The following CFAP43 variants were observed in gnomAD, a reference collection of about 807,000 sequenced individuals.
CFAP43 encodes cilia and flagella associated protein 43, also known as cilia- and flagella-associated protein 43.
CFAP43 carries 155 observed loss-of-function variants against 218.9 expected under a neutral mutation model. That is an observed-to-expected ratio of 0.71 (90% CI 0.62 to 0.81). The LOEUF is 0.81. Among genes scored for constraint, CFAP43 ranks in the 30% least tolerant of loss-of-function variants. The pLI is 0.00. For missense variants in CFAP43, 1,778 were observed against 1,954.3 expected (o/e 0.91, Z 1.70); for synonymous variants, 645 against 681.3 (o/e 0.95, Z 0.83).
Position 104,167,630 on chromosome 10 carries a change from C to A in CFAP43, c.2799G>T (p.Glu933Asp). The A allele has an allele frequency of 6.2e-7, 1 of 1,607,278 alleles. No homozygotes were observed. The highest frequency in any genetic ancestry group is 1.1e-5 in the South Asian group (1 of 89,614). Reference sequence around the variant, plus strand: ...ATATTTAAAATAGTACTTTAAGACACTCTGCTTCAATCTTCTTTTGCTGTA... The same window carrying A: ...ATATTTAAAATAGTACTTTAAGACAATCTGCTTCAATCTTCTTTTGCTGTA... ...RVLQQKKIEA[E>D]CLKLRKEIVE... The change falls in exon 22 of 38, where the codon GAG (glutamate) becomes GAT (aspartate). Residue 933 changes from glutamate (E) to aspartate (D), a missense_variant. Glu to Asp is a conservative substitution (Grantham distance 45, BLOSUM62 2). Transcript: ENST00000357060.
In CFAP43 at chr10:104,131,452, T is replaced by A. The variant is rs559982403; in HGVS notation, c.4710A>T (p.Lys1570Asn). 6.2e-7 allele frequency: 1 copy of A among 1,612,732 alleles called. No individual in the cohort carries two copies. The highest frequency in any genetic ancestry group is 2.2e-5 in the East Asian group (1 of 44,806). ...TGAACTTTCCAAGTTTTTTGAGTAG[T>A]TTCTTGCAGTTTTCCACATTCTTTT... is the stretch of plus-strand genomic sequence containing the variant. Reference protein sequence around the residue: ...MHKKNVENCKKLLKKLGKFSN... With the variant: ...MHKKNVENCKNLLKKLGKFSN... Residue 1570 changes from lysine (K) to asparagine (N), a missense_variant, in exon 37 of 38, where the codon AAA becomes AAT. Coordinates refer to ENST00000357060, the MANE Select transcript of CFAP43 (RefSeq NM_025145.7).
At position 104,223,509 on chromosome 10, in the gene CFAP43, T is replaced by C. The variant is rs540047987; in HGVS notation, c.416+1952A>G. On this transcript the variant is annotated intron_variant, in intron 3 of 37. Transcript: ENST00000357060. Reference sequence around the variant, plus strand: ...CTTTCTAAGATCACACAGCTAGTAATTTGTGGAGCCAGGATTCAGGTCTAA... The same window carrying C: ...CTTTCTAAGATCACACAGCTAGTAACTTGTGGAGCCAGGATTCAGGTCTAA... 3.3e-5 allele frequency among the ~76,000 whole-genome samples: 5 copies of C among 152,328 alleles called. No homozygotes were observed. The South Asian group carries it at 8.3e-4, about 25-fold the overall frequency.
At chr10:104,207,321 A>G (rs1048462018) in intron 6 of CFAP43, among the ~76,000 whole-genome samples, 4 of 152,200 alleles carry the variant, frequency 2.6e-5, no homozygotes, top group Non-Finnish European at 4.4e-5. Context: ...CAGAATGGGC[A>G]TATGTATAGA....
At chr10:104,221,390 G>A (rs1162171740) in intron 3 of CFAP43, among the ~76,000 whole-genome samples, 2 of 152,164 alleles carry the variant, frequency 1.3e-5, no homozygotes, top group African/African-American at 4.8e-5. Context: ...TTGGGGTATT[G>A]GGACTTTTGG....
intron 3 of CFAP43, chr10:104,218,878 C>T (rs368711127): frequency 1.6e-5 from 8 of 502,182 alleles, no homozygotes; most frequent in East Asian, 5.7e-5. Flanking sequence ...TAGGAACAGC[C>T]GAGCAGCATG....
intron 31 of CFAP43, among the ~76,000 whole-genome samples, chr10:104,144,984 A>G (rs1358170249): frequency 6.6e-6 from 1 of 152,236 alleles, no homozygotes; most frequent in Non-Finnish European, 1.5e-5. Flanking sequence ...TGTTTCTTAC[A>G]CTTGGAGATC....
chr10:104,144,434 A>G (rs584073), intron 31 of CFAP43, among the ~76,000 whole-genome samples: 42,550 of 152,036 alleles, frequency 0.28, 8,572 homozygotes, highest in African/African-American at 0.58. Context: ...GTGGATCACG[A>G]GGTCAGGAGA....
chr10:104,136,559 C>T (rs192210416), intron 34 of CFAP43, among the ~76,000 whole-genome samples: 133 of 151,652 alleles, frequency 8.8e-4, no homozygotes, highest in African/African-American at 3.0e-3. Flanking sequence ...TTAGTAGAGA[C>T]GGGGTTTCAC....
intron 8 of CFAP43, chr10:104,203,368 G>A (rs2090588364): frequency 5.6e-6 from 2 of 355,946 alleles, no homozygotes; most frequent in Non-Finnish European, 1.0e-5. Context: ...CGGAGAGTCT[G>A]CATGGAAATG....
intron 34 of CFAP43, among the ~76,000 whole-genome samples, chr10:104,139,175 CAT>C (rs2087589127): frequency 6.6e-6 from 1 of 151,816 alleles, no homozygotes; most frequent in African/African-American, 2.4e-5. Flanking sequence ...CAAACTGAAA[CAT>C]AAAGAGAACA....
At position 104,230,789 on chromosome 10, in the gene CFAP43, A is replaced by G. The variant is rs1186955992; in HGVS notation, c.120T>C (p.Ile40=). The G allele has an allele frequency of 1.2e-6, 2 of 1,613,968 alleles. No homozygotes were observed. The highest frequency in any genetic ancestry group is 4.5e-5 in the East Asian group (2 of 44,876). The change falls in exon 2 of 38, where the codon ATT becomes ATC. Residue 40 remains isoleucine (I), a synonymous_variant. Coordinates refer to ENST00000357060, the MANE Select transcript of CFAP43 (RefSeq NM_025145.7). ...TTACATAATTCCCACAAGGGTAGCAAATGGTGTTGTCGTTGACAAAATGAA... is the reference window on the plus strand; with the variant it reads ...TTACATAATTCCCACAAGGGTAGCAGATGGTGTTGTCGTTGACAAAATGAA... The part of the protein sequence containing the change: ...QNVHFVNDNT[I]CYPCGNYVIF...
chr10:104,170,121 T>C (rs1564750113), intron 20 of CFAP43, among the ~76,000 whole-genome samples: 2 of 152,084 alleles, frequency 1.3e-5, no homozygotes, highest in Non-Finnish European at 2.9e-5. Flanking sequence ...TATGGTGCCA[T>C]CTGCTAACAC....
At position 104,142,343 on chromosome 10, in the gene CFAP43, C is replaced by A; in HGVS notation, c.4209G>T (p.Lys1403Asn). Residue 1403 changes from lysine to asparagine, a missense_variant, in exon 33 of 38, where the codon AAG becomes AAT. Lys to Asn is a moderately conservative substitution (Grantham distance 94). Transcript: ENST00000357060. ...DLLEMATFLQ[K>N]RVEEEEKVQQ... The stretch of plus-strand genomic sequence containing the variant: ...GCACCTTCTCTTCCTCCTCAACTCT[C>A]TTCTGGAGGAAAGTTGCCATTTCCA... 1 of 1,613,588 alleles carries A rather than the reference C, an allele frequency of 6.2e-7. No homozygotes were observed. The highest frequency in any genetic ancestry group is 8.5e-7 in the Non-Finnish European group (1 of 1,179,774).
chr10:104,195,450 T>G (rs1040378709), intron 10 of CFAP43, among the ~76,000 whole-genome samples: 1 of 152,236 alleles, frequency 6.6e-6, no homozygotes, highest in African/African-American at 2.4e-5. Flanking sequence ...CTTGGTCACA[T>G]AGACTATGGA....
intron 26 of CFAP43, among the ~76,000 whole-genome samples, chr10:104,161,699 C>T (rs1244906142): frequency 3.3e-5 from 5 of 152,084 alleles, no homozygotes; most frequent in South Asian, 4.1e-4. Flanking sequence ...GGTGTGATCA[C>T]AGCTCACTGT....
chr10:104,218,743 A>G (rs773073523), intron 3 of CFAP43: 24 of 531,868 alleles, frequency 4.5e-5, no homozygotes, highest in African/African-American at 4.4e-4. Flanking sequence ...CCTTCCCCTC[A>G]TCCTTTTCCC....
At position 104,147,895 on chromosome 10, in the gene CFAP43, T is replaced by C. The variant is rs979799222; in HGVS notation, c.3764A>G (p.Glu1255Gly). 29 of 1,586,622 alleles carry C rather than the reference T, an allele frequency of 1.8e-5. No individual in the cohort carries two copies. The highest frequency in any genetic ancestry group is 1.7e-4 in the Middle Eastern group (1 of 5,946). ...LNNYLTRKQH[E>G]KSQTSEAVRK... ...GATTTCAGACACTATTCTTACTTTC[T>C]CGTGCTGTTTCCTTGTAAGGTAGTT... Residue 1255 changes from glutamate to glycine, a missense_variant, in exon 29 of 38, where the codon GAG becomes GGG. Coordinates refer to ENST00000357060, the MANE Select transcript of CFAP43 (RefSeq NM_025145.7).
chr10:104,133,856 T>C, intron 34 of CFAP43, 72 bp from the exon 35 acceptor site: 1 of 1,199,930 alleles, frequency 8.3e-7, no homozygotes, highest in Non-Finnish European at 1.2e-6. Context: ...TGAGGCTGAA[T>C]GCTATTTTTA....
At chr10:104,205,535 C>T (rs1243362107) in intron 7 of CFAP43, among the ~76,000 whole-genome samples, 1 of 152,046 alleles carries the variant, frequency 6.6e-6, no homozygotes, top group Non-Finnish European at 1.5e-5. Context: ...AATACTGATT[C>T]GAATATCAAC....
Sources: allele counts gnomAD v4.1 joint callset (sites outside exome capture counted in the v4.1 genomes callset), GRCh38; gene constraint gnomAD v4.1.1; transcripts MANE v1.5; gene names NCBI Gene and HGNC (gene_info 2026-07-23, HGNC 2026-07-21).